USP35: variants seen among roughly 807,000 people sequenced by gnomAD.
USP35 encodes ubiquitin specific peptidase 35, also known as ubiquitin carboxyl-terminal hydrolase 35.
In USP35, 69 loss-of-function variants were observed where a neutral mutation model predicts 83.8. The observed-to-expected ratio is 0.82, with a 90% CI of 0.68 to 1.01. The LOEUF is 1.01. Among genes scored for constraint, USP35 ranks in the 50% least tolerant of loss-of-function variants. USP35 has a pLI of 0.00. For missense variants in USP35, 1,503 were observed against 1,362.5 expected (o/e 1.10, Z -1.62); for synonymous variants, 714 against 589.5 (o/e 1.21, Z -3.06).
intron 5 of USP35, 42 bp from the exon 6 acceptor site, chr11:78,200,608 G>A (rs1002617033): frequency 4.5e-6 from 7 of 1,564,668 alleles, no homozygotes; most frequent in African/African-American, 1.4e-5. Flanking sequence ...TGTCTCAGGT[G>A]GGCGGGTTGG....
intron 1 of USP35, among the ~76,000 whole-genome samples, chr11:78,192,846 G>T (rs566025050): frequency 3.9e-5 from 6 of 152,148 alleles, no homozygotes; most frequent in Non-Finnish European, 8.8e-5. Flanking sequence ...ATGAGTCAGG[G>T]CTAGAATGTA....
At chr11:78,218,342 TGCTTGGTCGCCCA>T (rs1193872282), downstream of USP35, 1 of 152,832 alleles carries the variant, frequency 6.5e-6, no homozygotes, top group Non-Finnish European at 1.5e-5. Context: ...CTGCCCCATG[TGCTTGGTCGCCCA>T]GCTTGGTCCA....
chr11:78,229,752 T>C, the USP35 span, among the ~76,000 whole-genome samples: 1 of 152,234 alleles, frequency 6.6e-6, no homozygotes, highest in Non-Finnish European at 1.5e-5. Context: ...TTTTCCACTC[T>C]AGGATCCAAA....
chr11:78,219,313 C>T (rs781659629), downstream of USP35: 29 of 1,613,884 alleles, frequency 1.8e-5, 1 homozygote, highest in Admixed American at 1.2e-4. Flanking sequence ...GACTGCCGCA[C>T]GTCTGTCCAC....
the USP35 span, chr11:78,223,629 G>A: frequency 1.9e-6 from 3 of 1,612,756 alleles, no homozygotes; most frequent in Non-Finnish European, 2.5e-6. Context: ...GCACATAGTT[G>A]TCTTCAGAAT....
rs1254723120 is a variant in USP35 at position 78,214,123 on chromosome 11, T to TGATGTTCAGGAAAC, written c.*311_*324dup. Reference sequence around the variant, plus strand: ...AGGCTCCCCATGCGGGAAGATCTGATGATGTTCAGGAAACAGGCTAGACCT... The same window carrying TGATGTTCAGGAAAC: ...AGGCTCCCCATGCGGGAAGATCTGATGATGTTCAGGAAACGATGTTCAGGAAACAGGCTAGACCT... On this transcript the variant is annotated 3_prime_UTR_variant, in exon 11 of 11. Transcript: ENST00000529308. 1 of 292,102 alleles carries TGATGTTCAGGAAAC rather than the reference T, an allele frequency of 3.4e-6. No individual in the cohort carries two copies. The highest frequency in any genetic ancestry group is 7.8e-5 in the East Asian group (1 of 12,882). 18.1% of individuals were successfully genotyped at this position (292,102 alleles called of 1,614,324 possible).
At chr11:78,224,859 G>A in the USP35 span, among the ~76,000 whole-genome samples, 1 of 152,040 alleles carries the variant, frequency 6.6e-6, no homozygotes, top group Admixed American at 6.5e-5. Context: ...TAGATCCTCT[G>A]CTTACCTACA....
intron 1 of USP35, among the ~76,000 whole-genome samples, chr11:78,195,898 T>C (rs1863127118): frequency 6.6e-6 from 1 of 151,974 alleles, no homozygotes; most frequent in South Asian, 2.1e-4. Context: ...TCCTGGGTAA[T>C]GTTTGTGTTT....
At chr11:78,225,824 G>A in the USP35 span, among the ~76,000 whole-genome samples, 6 of 152,176 alleles carry the variant, frequency 3.9e-5, no homozygotes, top group Non-Finnish European at 5.9e-5. Flanking sequence ...CTCTCTGCCT[G>A]GCTTAAACAA....
In USP35 at chr11:78,199,584, C is replaced by T. The variant is rs1323788458; in HGVS notation, c.807-11C>T. On this transcript the variant is annotated splice_polypyrimidine_tract_variant and intron_variant, in intron 3 of 10. Coordinates refer to ENST00000529308, the MANE Select transcript of USP35 (RefSeq NM_020798.4). ...CCCTTGTCCCTGTGTCACTGTCACT[C>T]CCCTCACCAGGATGATTGACTGGGT... 1 of 1,614,076 alleles carries T rather than the reference C, an allele frequency of 6.2e-7. No individual in the cohort carries two copies. Among genetic ancestry groups the T allele is most frequent in the South Asian group, 1.1e-5 (1 of 91,074 alleles).
At chr11:78,203,414 C>G (rs905025973) in intron 6 of USP35, among the ~76,000 whole-genome samples, 1 of 152,124 alleles carries the variant, frequency 6.6e-6, no homozygotes, top group African/African-American at 2.4e-5. Flanking sequence ...CACCACTCGG[C>G]TAGATCTGGG....
the USP35 span, chr11:78,226,682 G>C: frequency 6.2e-7 from 1 of 1,613,914 alleles, no homozygotes; most frequent in Non-Finnish European, 8.5e-7. Context: ...TGTCCAGAGT[G>C]AATGTCCTAG....
At chr11:78,213,574 G>T in intron 10 of USP35, 72 bp from the exon 11 acceptor site, 2 of 1,419,926 alleles carry the variant, frequency 1.4e-6, no homozygotes, top group Non-Finnish European at 1.8e-6. Flanking sequence ...GAAAGGTGTT[G>T]TGCTGGGTAG....
chr11:78,198,030 C>CAGTGTG lies in USP35; in HGVS notation c.770_775dup (p.Ser257_Val258dup). The CAGTGTG allele has an allele frequency of 1.2e-6, 2 of 1,614,238 alleles. No individual in the cohort carries two copies. Among genetic ancestry groups the CAGTGTG allele is most frequent in the South Asian group, 2.2e-5 (2 of 91,086 alleles). The stretch of plus-strand genomic sequence containing the variant: ...TTGTCCGGAACCTCAGCAATGATGA[C>CAGTGTG]AGTGTGACAGACTCGCAGATGCTGA... On this transcript the variant is annotated inframe_insertion, in exon 3 of 11. Transcript: ENST00000529308.
chr11:78,222,359 T>C, the USP35 span, among the ~76,000 whole-genome samples: 1 of 152,178 alleles, frequency 6.6e-6, no homozygotes, highest in African/African-American at 2.4e-5. Flanking sequence ...TTGCCCATAT[T>C]GATGAGCCTT....
At chr11:78,225,659 A>T in the USP35 span, among the ~76,000 whole-genome samples, 1 of 152,228 alleles carries the variant, frequency 6.6e-6, no homozygotes, top group Non-Finnish European at 1.5e-5. Context: ...CAAATTGTCG[A>T]TGGATTGAAA....
chr11:78,213,021 G>A (rs757214569), intron 10 of USP35, among the ~76,000 whole-genome samples: 3 of 152,238 alleles, frequency 2.0e-5, no homozygotes, highest in Admixed American at 6.5e-5. Context: ...TTTGACCAGT[G>A]GGATGGGTGC....
chr11:78,195,833 C>T (rs557054492), intron 1 of USP35, among the ~76,000 whole-genome samples: 2 of 152,258 alleles, frequency 1.3e-5, no homozygotes, highest in Admixed American at 6.5e-5. Context: ...CAGGCCCAAG[C>T]GAGCCTCCCA....
chr11:78,226,048 C>G, the USP35 span, among the ~76,000 whole-genome samples: 1 of 152,136 alleles, frequency 6.6e-6, no homozygotes, highest in Non-Finnish European at 1.5e-5. Flanking sequence ...ATATTAAGAC[C>G]TCGTTTTGCT....
Sources: gnomAD v4.1 joint callset for allele counts (sites outside exome capture counted in the v4.1 genomes callset) on GRCh38, gnomAD v4.1.1 for gene constraint, MANE v1.5 for transcripts, NCBI Gene and HGNC (gene_info 2026-07-23, HGNC 2026-07-21) for gene names.